RAB1B: variants seen among roughly 807,000 people sequenced by gnomAD.
The protein encoded by RAB1B is ras-related protein Rab-1B.
RAB1B carries 10 observed loss-of-function variants against 24.8 expected under a neutral mutation model. The ratio of observed to expected loss-of-function variants is 0.40; its 90% confidence interval spans 0.25 to 0.68. The LOEUF (loss-of-function observed/expected upper bound fraction) is 0.68, where lower values mean the gene tolerates loss of function less well. Among genes scored for constraint, RAB1B ranks in the 30% least tolerant of loss-of-function variants. The pLI is 0.37. For missense variants in RAB1B, 154 were observed against 271.2 expected, an observed-to-expected ratio of 0.57 and a Z score of 3.04; for synonymous variants, 99 against 111.7, an observed-to-expected ratio of 0.89 and a Z score of 0.72.
chr11:66,273,935 C>CT lies in RAB1B; in HGVS notation c.279+1476dup, dbSNP rs143945499. On this transcript the variant is annotated intron_variant, in intron 4 of 5. Coordinates refer to ENST00000311481, the MANE Select transcript of RAB1B (RefSeq NM_030981.3). ...ACTCAGATGTCCAGCGCTGGCCTCACTGTCTCTCCCCAAACCAGCGCCTCT... is the reference window on the plus strand; with the variant it reads ...ACTCAGATGTCCAGCGCTGGCCTCACTTGTCTCTCCCCAAACCAGCGCCTCT... Among the ~76,000 whole-genome samples, 421 of 152,298 alleles carry CT rather than the reference C, an allele frequency of 2.8e-3. 2 individuals carry two copies. The highest frequency in any genetic ancestry group is 9.5e-3 in the African/African-American group (395 of 41,554).
Position 66,275,863 on chromosome 11 carries a change from C to T in RAB1B, c.339C>T (p.Asn113=), listed in dbSNP as rs372476957. ...LQEIDRYASE[N]VNKLLVGNKS... is the part of the protein sequence containing the mutation. Reference sequence around the variant, plus strand: ...AGATTGACCGCTATGCCAGCGAGAACGTCAATAAGCTCCTGGTGGGCAACA... The same window carrying T: ...AGATTGACCGCTATGCCAGCGAGAATGTCAATAAGCTCCTGGTGGGCAACA... The change falls in exon 5 of 6, where the codon AAC becomes AAT. Residue 113 remains asparagine (N), a synonymous_variant. Coordinates refer to ENST00000311481, the MANE Select transcript of RAB1B (RefSeq NM_030981.3). 5.2e-5 allele frequency: 83 copies of T among 1,602,150 alleles called. 1 individual carries two copies. Among genetic ancestry groups the T allele is most frequent in the African/African-American group, 8.0e-5 (6 of 74,894 alleles).
intron 1 of RAB1B, among the ~76,000 whole-genome samples, chr11:66,269,248 C>T (rs1362286312): frequency 2.6e-5 from 4 of 152,104 alleles, no homozygotes; most frequent in African/African-American, 7.2e-5. Flanking sequence ...TGCCTCCTAC[C>T]CTTTGCCTGG....
In RAB1B at chr11:66,272,152, T is replaced by G. The variant is rs1325672452; in HGVS notation, c.88-5T>G. The G allele has an allele frequency of 6.2e-7, 1 of 1,607,126 alleles. No individual in the cohort carries two copies. The highest frequency in any genetic ancestry group is 8.5e-7 in the Non-Finnish European group (1 of 1,174,240). On this transcript the variant is annotated splice_polypyrimidine_tract_variant and splice_region_variant and intron_variant, in intron 2 of 5. Coordinates refer to ENST00000311481, the MANE Select transcript of RAB1B (RefSeq NM_030981.3). The stretch of plus-strand genomic sequence containing the variant: ...CCATGATTTCATTGGCCCCTGAACT[T>G]TCAGGATGACACGTACACAGAGAGC...
rs1054325722 is a variant in RAB1B at position 66,268,830 on chromosome 11, C to CCCCA, written c.14+138_14+139insCCAC. 3.2e-6 allele frequency: 3 copies of CCCCA among 945,408 alleles called. No homozygotes were observed. The South Asian group carries it at 8.5e-5, about 27-fold the overall frequency. 58.6% of individuals were successfully genotyped at this position (945,408 alleles called of 1,614,324 possible). Reference sequence around the variant, plus strand: ...GGGTCCCTCTTCCGCTGACCCCCCCCCACATCCGGGTTCTGCCCCTCCCCC... The same window carrying CCCCA: ...GGGTCCCTCTTCCGCTGACCCCCCCCCCCACACATCCGGGTTCTGCCCCTCCCCC... On this transcript the variant is annotated intron_variant, in intron 1 of 5. Transcript: ENST00000311481.
At chr11:66,270,306 G>A (rs1857035312) in intron 1 of RAB1B, 1 of 152,146 alleles carries the variant, frequency 6.6e-6, no homozygotes, top group Non-Finnish European at 1.5e-5. Flanking sequence ...TTAGCCGGGT[G>A]CGGTGGCTCA....
At chr11:66,272,024 C>T in intron 2 of RAB1B, 133 bp from the exon 3 acceptor site, 1 of 950,356 alleles carries the variant, frequency 1.1e-6, no homozygotes, top group Non-Finnish European at 1.7e-6. Flanking sequence ...CAAGACAGGG[C>T]TGGCCAGCTG....
intron 1 of RAB1B, chr11:66,271,524 A>T (rs550525857): frequency 1.6e-4 from 41 of 254,118 alleles, no homozygotes; most frequent in South Asian, 6.5e-4. Context: ...ATTAGCTAGA[A>T]GTGGTGGTGG....
rs969715034 is a variant in RAB1B at position 66,277,171 on chromosome 11, C to G, written c.*933C>G. On this transcript the variant is annotated 3_prime_UTR_variant, in exon 6 of 6. Coordinates refer to ENST00000311481, the MANE Select transcript of RAB1B (RefSeq NM_030981.3). ...GGGTTCCATCCAGGATTGGGGGCCTCTCTGCTCACCCACTCTGCACCCAGG... is the reference window on the plus strand; with the variant it reads ...GGGTTCCATCCAGGATTGGGGGCCTGTCTGCTCACCCACTCTGCACCCAGG... The G allele has an allele frequency of 6.5e-6, 1 of 152,810 alleles. No individual in the cohort carries two copies. Among genetic ancestry groups the G allele is most frequent in the African/African-American group, 2.4e-5 (1 of 41,464 alleles). 9.5% of individuals were successfully genotyped at this position (152,810 alleles called of 1,614,324 possible).
chr11:66,274,353 A>G (rs1857108186), intron 4 of RAB1B, among the ~76,000 whole-genome samples: 1 of 152,188 alleles, frequency 6.6e-6, no homozygotes, highest in Non-Finnish European at 1.5e-5. Context: ...TCATGCTCAC[A>G]ATCAGCCCTT....
At position 66,276,550 on chromosome 11, in the gene RAB1B, C is replaced by T. The variant is rs1217174783; in HGVS notation, c.*312C>T. 5.9e-6 allele frequency: 2 copies of T among 341,086 alleles called. No homozygotes were observed. Among genetic ancestry groups the T allele is most frequent in the East Asian group, 5.9e-5 (1 of 16,890 alleles). 21.1% of individuals were successfully genotyped at this position (341,086 alleles called of 1,614,324 possible). A position where few individuals can be genotyped will look rare whatever the true frequency, so the allele number is the denominator to read the frequency against. Reference sequence around the variant, plus strand: ...GGAACGAGGGCTCTTCTGTCGGTGTCCCTCCCACCCCCATGTATGCTGCAC... The same window carrying T: ...GGAACGAGGGCTCTTCTGTCGGTGTTCCTCCCACCCCCATGTATGCTGCAC... On this transcript the variant is annotated 3_prime_UTR_variant, in exon 6 of 6. Coordinates refer to ENST00000311481, the MANE Select transcript of RAB1B (RefSeq NM_030981.3).
At position 66,274,545 on chromosome 11, in the gene RAB1B, G is replaced by A. The variant is rs942085221; in HGVS notation, c.280-1259G>A. Among the ~76,000 whole-genome samples the A allele has an allele frequency of 4.6e-5, 7 of 152,098 alleles. No homozygotes were observed. The East Asian group carries it at 1.3e-3, about 29-fold the overall frequency. On this transcript the variant is annotated intron_variant, in intron 4 of 5. Transcript: ENST00000311481. ...TGAGTTATTCCAGCCATTCCCAGTT[G>A]GTCTCTATCTTGCTATTCTGATCTG... is the stretch of plus-strand genomic sequence containing the variant.
intron 5 of RAB1B, 52 bp downstream of exon 5, chr11:66,275,987 C>T (rs774002820): frequency 1.9e-6 from 3 of 1,606,292 alleles, no homozygotes; most frequent in Admixed American, 3.4e-5. Context: ...CCTGCTGCCC[C>T]TCACCTGCTC....
At chr11:66,274,220 C>T (rs887808495) in intron 4 of RAB1B, among the ~76,000 whole-genome samples, 4 of 152,150 alleles carry the variant, frequency 2.6e-5, no homozygotes, top group Admixed American at 2.6e-4. Flanking sequence ...GTCTCGAGTC[C>T]CCTCTATTCT....
intron 1 of RAB1B, chr11:66,270,623 G>T (rs56151197): frequency 0.22 from 33,789 of 152,178 alleles, 4,555 homozygotes; most frequent in South Asian, 0.46. Context: ...CATCACCCAG[G>T]CTGGTCATAC....
chr11:66,273,925 G>T (rs1017161839), intron 4 of RAB1B, among the ~76,000 whole-genome samples: 1 of 152,080 alleles, frequency 6.6e-6, no homozygotes, highest in African/African-American at 2.4e-5. Context: ...GATGTCCAGC[G>T]CTGGCCTCAC....
chr11:66,275,956 C>T, intron 5 of RAB1B, 21 bp downstream of exon 5: 11 of 1,610,412 alleles, frequency 6.8e-6, no homozygotes, highest in Non-Finnish European at 8.5e-6. Flanking sequence ...GGCCGGTCTG[C>T]CCGGGGTCGG....
chr11:66,271,827 C>T lies in RAB1B; in HGVS notation c.45C>T (p.Gly15=), dbSNP rs769397636. 1.5e-5 allele frequency: 24 copies of T among 1,613,922 alleles called. No homozygotes were observed. Among genetic ancestry groups the T allele is most frequent in the East Asian group, 2.2e-5 (1 of 44,894 alleles). The change falls in exon 2 of 6, where the codon GGC becomes GGT. Residue 15 remains glycine (G), a synonymous_variant. Coordinates refer to ENST00000311481, the MANE Select transcript of RAB1B (RefSeq NM_030981.3). The stretch of plus-strand genomic sequence containing the variant: ...ACCTGTTTAAGCTGCTTTTGATTGG[C>T]GACTCAGGCGTGGGCAAGTCATGCC... ...YDYLFKLLLI[G]DSGVGKSCLL... is the part of the protein sequence containing the mutation.
chr11:66,272,838 A>C (rs926335025), intron 4 of RAB1B, among the ~76,000 whole-genome samples: 1 of 152,178 alleles, frequency 6.6e-6, no homozygotes, highest in Non-Finnish European at 1.5e-5. Context: ...GTGAAGACAC[A>C]GTGCAGGGGG....
chr11:66,273,796 C>T (rs1857098716), intron 4 of RAB1B, among the ~76,000 whole-genome samples: 1 of 152,090 alleles, frequency 6.6e-6, no homozygotes, highest in Admixed American at 6.5e-5. Flanking sequence ...AGGAAACTTG[C>T]TTGGAGAGGT....
Sources: allele counts gnomAD v4.1 joint callset (sites outside exome capture counted in the v4.1 genomes callset), GRCh38; gene constraint gnomAD v4.1.1; transcripts MANE v1.5; gene names NCBI Gene and HGNC (gene_info 2026-07-23, HGNC 2026-07-21).